Variants in RIMBP2 observed in about 807,000 individuals in gnomAD.
The protein encoded by RIMBP2 is RIMS binding protein 2.
In RIMBP2, 48 loss-of-function variants were observed where a neutral mutation model predicts 118.6. The observed-to-expected ratio is 0.40, with a 90% CI of 0.32 to 0.51. RIMBP2 has a LOEUF of 0.51. RIMBP2 is among the 20% of genes least tolerant of loss of function. The probability of loss-of-function intolerance (pLI) is 0.41; values close to 1 mark genes in which losing one functional copy is unlikely to be tolerated. For missense variants in RIMBP2, 1,551 were observed against 1,768.3 expected, an observed-to-expected ratio of 0.88 and a Z score of 2.20; for synonymous variants, 762 against 742.9, an observed-to-expected ratio of 1.03 and a Z score of -0.42.
At chr12:130,550,131 ACT>A (rs1809602627) in intron 2 of RIMBP2, among the ~76,000 whole-genome samples, 1 of 152,184 alleles carries the variant, frequency 6.6e-6, no homozygotes, top group African/African-American at 2.4e-5. Context: ...GTAGTTATCG[ACT>A]ACATTGGAAC....
At chr12:130,596,543 C>T (rs984527128) in intron 2 of RIMBP2, among the ~76,000 whole-genome samples, 1 of 152,142 alleles carries the variant, frequency 6.6e-6, no homozygotes, top group Admixed American at 6.6e-5. Context: ...GTAGGAAAAC[C>T]GTAGAGTGAA....
chr12:130,613,813 C>A (rs371754385), intron 2 of RIMBP2, among the ~76,000 whole-genome samples: 1,123 of 104,612 alleles, frequency 0.011, no homozygotes, highest in South Asian at 0.015. Flanking sequence ...GACTCTGTCT[C>A]AAAAAAAAAA....
At chr12:130,459,993 G>A (rs1566078622) in intron 6 of RIMBP2, among the ~76,000 whole-genome samples, 1 of 152,198 alleles carries the variant, frequency 6.6e-6, no homozygotes, top group Non-Finnish European at 1.5e-5. Context: ...ATATTTGATG[G>A]ATCACAATAA....
intron 1 of RIMBP2, among the ~76,000 whole-genome samples, chr12:130,677,164 G>C (rs970345041): frequency 1.3e-5 from 2 of 152,116 alleles, no homozygotes; most frequent in African/African-American, 4.8e-5. Flanking sequence ...GGTGGGTAGA[G>C]GCCAGGGACA....
intron 2 of RIMBP2, among the ~76,000 whole-genome samples, chr12:130,612,430 T>C (rs1412590968): frequency 6.6e-6 from 1 of 152,176 alleles, no homozygotes; most frequent in Non-Finnish European, 1.5e-5. Context: ...GCTGCTCTGC[T>C]GTGCGCAAAG....
intron 5 of RIMBP2, among the ~76,000 whole-genome samples, chr12:130,477,421 C>T (rs2081532534): frequency 6.6e-6 from 1 of 152,198 alleles, no homozygotes; most frequent in South Asian, 2.1e-4. Flanking sequence ...GTGCAGGTGC[C>T]ATCAGGCGTC....
chr12:130,406,698 G>T (rs1477162050), intron 20 of RIMBP2, among the ~76,000 whole-genome samples: 2 of 152,098 alleles, frequency 1.3e-5, no homozygotes, highest in African/African-American at 4.8e-5. Context: ...CCAGGCTGGA[G>T]TGCAGCAGTG....
At chr12:130,462,694 C>T (rs1332256412) in intron 6 of RIMBP2, among the ~76,000 whole-genome samples, 3 of 152,214 alleles carry the variant, frequency 2.0e-5, no homozygotes, top group African/African-American at 7.2e-5. Flanking sequence ...AGTTGACGTG[C>T]TTTCCCCGAA....
rs114431148 is a variant in RIMBP2 at position 130,674,951 on chromosome 12, G to A, written c.-352+41271C>T. Among the ~76,000 whole-genome samples, 235 of 152,230 alleles carry A rather than the reference G, an allele frequency of 1.5e-3. 1 individual carries two copies. The highest frequency in any genetic ancestry group is 5.5e-3 in the African/African-American group (228 of 41,534). ...CGTGTGTCAGGCTTCATTCCTTTTC[G>A]CGGCTGAATCAGATTCCATCGTGTG... On this transcript the variant is annotated intron_variant, in intron 1 of 22. Coordinates refer to ENST00000690449, the MANE Select transcript of RIMBP2 (RefSeq NM_001393629.1).
chr12:130,396,186 C>T lies in RIMBP2; in HGVS notation c.*1175G>A, dbSNP rs1044552709. ...GAAAATATTTTACACTAACTGTGCA[C>T]ATGCACACACCCACACAGAGCTTAA... On this transcript the variant is annotated 3_prime_UTR_variant, in exon 23 of 23. Coordinates refer to ENST00000690449, the MANE Select transcript of RIMBP2 (RefSeq NM_001393629.1). 1 of 152,620 alleles carries T rather than the reference C, an allele frequency of 6.6e-6. No homozygotes were observed. 9.5% of individuals were successfully genotyped at this position (152,620 alleles called of 1,614,324 possible). A position where few individuals can be genotyped will look rare whatever the true frequency, so the allele number is the denominator to read the frequency against.
intron 2 of RIMBP2, among the ~76,000 whole-genome samples, chr12:130,575,908 T>C (rs1457694550): frequency 6.6e-6 from 1 of 152,214 alleles, no homozygotes; most frequent in Admixed American, 6.5e-5. Context: ...CAAAATGTTC[T>C]GGGCTTTTTC....
chr12:130,674,665 T>C (rs34214698), intron 1 of RIMBP2, among the ~76,000 whole-genome samples: 1 of 152,176 alleles, frequency 6.6e-6, no homozygotes, highest in Admixed American at 6.5e-5. Context: ...TACAGTGGCA[T>C]GGAGTGGCTT....
chr12:130,665,894 C>T (rs1010343409), intron 1 of RIMBP2, among the ~76,000 whole-genome samples: 31 of 152,176 alleles, frequency 2.0e-4, no homozygotes, highest in South Asian at 1.0e-3. Context: ...TCCTGCTCTT[C>T]GGAAATGCAT....
chr12:130,685,424 A>G (rs2064993745), intron 1 of RIMBP2, among the ~76,000 whole-genome samples: 1 of 152,230 alleles, frequency 6.6e-6, no homozygotes, highest in African/African-American at 2.4e-5. Flanking sequence ...ATTCCAGAAC[A>G]ATCGGAGACA....
intron 2 of RIMBP2, among the ~76,000 whole-genome samples, chr12:130,558,928 G>A (rs536922234): frequency 2.8e-4 from 42 of 152,274 alleles, no homozygotes; most frequent in African/African-American, 9.6e-4. Context: ...TGTCAAGTAG[G>A]TTAGAAACTC....
chr12:130,460,631 C>T (rs1270880009), intron 6 of RIMBP2, among the ~76,000 whole-genome samples: 3 of 152,106 alleles, frequency 2.0e-5, no homozygotes, highest in Non-Finnish European at 2.9e-5. Context: ...AGCGTACTGG[C>T]GTTATCCTTC....
chr12:130,510,165 A>G (rs181773056), intron 3 of RIMBP2, among the ~76,000 whole-genome samples: 4 of 152,344 alleles, frequency 2.6e-5, no homozygotes, highest in Non-Finnish European at 5.9e-5. Context: ...ACCGGAACGC[A>G]TTCTCCCACA....
Position 130,397,179 on chromosome 12 carries a change from G to A in RIMBP2, c.*182C>T, listed in dbSNP as rs750423034. ...AGAGCAGACTGCCAGCGGTGACAGAGAGCAACCGCTCCTCTTTGTTCTCGT... is the reference window on the plus strand; with the variant it reads ...AGAGCAGACTGCCAGCGGTGACAGAAAGCAACCGCTCCTCTTTGTTCTCGT... On this transcript the variant is annotated 3_prime_UTR_variant, in exon 23 of 23. Coordinates refer to ENST00000690449, the MANE Select transcript of RIMBP2 (RefSeq NM_001393629.1). 2 of 363,514 alleles carry A rather than the reference G, an allele frequency of 5.5e-6. No individual in the cohort carries two copies. Among genetic ancestry groups the A allele is most frequent in the Non-Finnish European group, 9.8e-6 (2 of 204,396 alleles). 22.5% of individuals were successfully genotyped at this position (363,514 alleles called of 1,614,324 possible).
At chr12:130,572,664 A>G (rs1422051638) in intron 2 of RIMBP2, among the ~76,000 whole-genome samples, 1 of 151,744 alleles carries the variant, frequency 6.6e-6, no homozygotes, top group Non-Finnish European at 1.5e-5. Flanking sequence ...AGAGATGCAA[A>G]CAGAAGAAGG....
Sources: allele counts gnomAD v4.1 joint callset (sites outside exome capture counted in the v4.1 genomes callset), GRCh38; gene constraint gnomAD v4.1.1; transcripts MANE v1.5; gene names NCBI Gene and HGNC (gene_info 2026-07-23, HGNC 2026-07-21).